Variants in KCNH1 observed in about 807,000 individuals in gnomAD.
The protein encoded by KCNH1 is potassium voltage-gated channel subfamily H member 1, also known as voltage-gated delayed rectifier potassium channel KCNH1.
KCNH1 carries 27 observed loss-of-function variants against 69.2 expected under a neutral mutation model. The observed-to-expected ratio is 0.39, with a 90% CI of 0.29 to 0.54. The LOEUF (loss-of-function observed/expected upper bound fraction) is 0.54, where lower values mean the gene tolerates loss of function less well. Among genes scored for constraint, KCNH1 ranks in the 20% least tolerant of loss-of-function variants. KCNH1 has a pLI of 0.68. For synonymous variants in KCNH1, 456 were observed against 487.7 expected (o/e 0.93, Z 0.86); for missense variants, 798 against 1,261.6 (o/e 0.63, Z 5.57).
intron 9 of KCNH1, among the ~76,000 whole-genome samples, chr1:210,777,191 A>C (rs977856752): frequency 6.6e-6 from 1 of 152,216 alleles, no homozygotes. Context: ...TTCCAAGTAC[A>C]TGGATAGAAC....
At chr1:210,973,651 A>T (rs1016220106) in intron 6 of KCNH1, among the ~76,000 whole-genome samples, 2 of 152,192 alleles carry the variant, frequency 1.3e-5, no homozygotes, top group Non-Finnish European at 2.9e-5. Flanking sequence ...TATAGTATAT[A>T]TAATTTTATA....
chr1:210,856,789 A>ATATATT (rs201495463), intron 7 of KCNH1, among the ~76,000 whole-genome samples: 21,720 of 121,874 alleles, frequency 0.18, 2,565 homozygotes, highest in Non-Finnish European at 0.27. Context: ...TTATATATAT[A>ATATATT]TATATTTATA....
At chr1:210,765,609 C>T (rs1264760579) in intron 10 of KCNH1, among the ~76,000 whole-genome samples, 1 of 152,062 alleles carries the variant, frequency 6.6e-6, no homozygotes, top group Admixed American at 6.6e-5. Flanking sequence ...TATGCTGGCA[C>T]CAGGGGTATC....
intron 4 of KCNH1, among the ~76,000 whole-genome samples, chr1:211,086,635 G>A (rs898274871): frequency 2.0e-5 from 3 of 152,144 alleles, no homozygotes; most frequent in Non-Finnish European, 4.4e-5. Context: ...CTCAGGAATG[G>A]AGAAATGGCT....
At chr1:210,716,817 G>A (rs1367964163) in intron 10 of KCNH1, among the ~76,000 whole-genome samples, 1 of 152,090 alleles carries the variant, frequency 6.6e-6, no homozygotes, top group Admixed American at 6.6e-5. Flanking sequence ...GTAGGTGCTG[G>A]GCATACACTT....
At chr1:210,715,652 A>G (rs1312841313) in intron 10 of KCNH1, among the ~76,000 whole-genome samples, 1 of 152,222 alleles carries the variant, frequency 6.6e-6, no homozygotes, top group Non-Finnish European at 1.5e-5. Flanking sequence ...TAATTGTTAT[A>G]AATAATCATG....
intron 8 of KCNH1, 90 bp downstream of exon 8, chr1:210,803,877 A>T: frequency 1.8e-6 from 2 of 1,121,134 alleles, no homozygotes; most frequent in East Asian, 2.4e-5. Flanking sequence ...GAGCACAGCC[A>T]GGTTTGACAT....
At chr1:210,794,601 C>T (rs556333296) in intron 9 of KCNH1, among the ~76,000 whole-genome samples, 3 of 152,180 alleles carry the variant, frequency 2.0e-5, no homozygotes, top group Non-Finnish European at 4.4e-5. Context: ...AGCTGTTTGT[C>T]TTCCCCACCC....
chr1:210,694,222 C>T (rs1681588118), intron 10 of KCNH1, among the ~76,000 whole-genome samples: 1 of 151,976 alleles, frequency 6.6e-6, no homozygotes, highest in Non-Finnish European at 1.5e-5. Flanking sequence ...GTAAGACTGC[C>T]ACATAGGACA....
intron 7 of KCNH1, among the ~76,000 whole-genome samples, chr1:210,875,551 C>T (rs1686351208): frequency 6.6e-6 from 1 of 152,062 alleles, no homozygotes; most frequent in African/African-American, 2.4e-5. Context: ...GCCTGTAATC[C>T]CAGCACTTTG....
At chr1:210,795,209 G>A (rs1189958668) in intron 9 of KCNH1, among the ~76,000 whole-genome samples, 1 of 152,142 alleles carries the variant, frequency 6.6e-6, no homozygotes, top group Non-Finnish European at 1.5e-5. Context: ...TCAGGCTAGA[G>A]TGCAGTGATG....
intron 6 of KCNH1, among the ~76,000 whole-genome samples, chr1:211,007,806 T>C (rs1689313609): frequency 6.6e-6 from 1 of 152,178 alleles, no homozygotes; most frequent in African/African-American, 2.4e-5. Flanking sequence ...TAAAATGATC[T>C]CAAAGTTCTC....
intron 7 of KCNH1, among the ~76,000 whole-genome samples, chr1:210,825,831 C>T (rs181640271): frequency 2.6e-5 from 4 of 152,218 alleles, no homozygotes; most frequent in South Asian, 4.1e-4. Context: ...GCAAAGTGTG[C>T]GTATAGGCAT....
At position 210,847,301 on chromosome 1, in the gene KCNH1, T is replaced by C. The variant is rs563058234; in HGVS notation, c.1463-43135A>G. 2.0e-5 allele frequency among the ~76,000 whole-genome samples: 3 copies of C among 152,336 alleles called. No individual in the cohort carries two copies. The East Asian group carries it at 5.8e-4, about 29-fold the overall frequency. ...CACACGTATGTTTATTGCGGCACTATTCACAATAGCAAAGACTTGGAACCA... is the reference window on the plus strand; with the variant it reads ...CACACGTATGTTTATTGCGGCACTACTCACAATAGCAAAGACTTGGAACCA... On this transcript the variant is annotated intron_variant, in intron 7 of 10. Coordinates refer to ENST00000271751, the MANE Select transcript of KCNH1 (RefSeq NM_172362.3).
At chr1:211,074,113 A>AAG (rs1226448252) in intron 5 of KCNH1, among the ~76,000 whole-genome samples, 1 of 149,926 alleles carries the variant, frequency 6.7e-6, no homozygotes, top group African/African-American at 2.4e-5. Context: ...AAAAAAAAAA[A>AAG]AAAACCTTAA....
At chr1:210,702,455 C>T (rs1681805078) in intron 10 of KCNH1, among the ~76,000 whole-genome samples, 1 of 152,046 alleles carries the variant, frequency 6.6e-6, no homozygotes, top group African/African-American at 2.4e-5. Context: ...ACTGCATTTT[C>T]CAGACTTTTA....
At chr1:211,084,264 C>G (rs1190087670) in intron 4 of KCNH1, among the ~76,000 whole-genome samples, 4 of 152,150 alleles carry the variant, frequency 2.6e-5, no homozygotes, top group Non-Finnish European at 5.9e-5. Flanking sequence ...GAGGCAGGCT[C>G]TACTTCAGCT....
chr1:211,005,646 A>G (rs1689267620), intron 6 of KCNH1, among the ~76,000 whole-genome samples: 1 of 152,204 alleles, frequency 6.6e-6, no homozygotes, highest in South Asian at 2.1e-4. Context: ...ATGGAAAACA[A>G]TAAAACTAGC....
At chr1:211,002,886 G>A (rs928177333) in intron 6 of KCNH1, among the ~76,000 whole-genome samples, 8 of 152,172 alleles carry the variant, frequency 5.3e-5, no homozygotes, top group African/African-American at 1.4e-4. Context: ...AGAATGTCAA[G>A]TTATAAGGAG....
Sources: allele counts gnomAD v4.1 joint callset (sites outside exome capture counted in the v4.1 genomes callset), GRCh38; gene constraint gnomAD v4.1.1; transcripts MANE v1.5; gene names NCBI Gene and HGNC (gene_info 2026-07-23, HGNC 2026-07-21).